Variants in SLAIN2 observed in about 807,000 individuals in gnomAD.
SLAIN2 encodes SLAIN family member 2.
SLAIN2 carries 31 observed loss-of-function variants against 56.6 expected under a neutral mutation model. That is an observed-to-expected ratio of 0.55 (90% CI 0.41 to 0.74). SLAIN2 has a LOEUF of 0.74. Among genes scored for constraint, SLAIN2 ranks in the 30% least tolerant of loss-of-function variants. The probability of loss-of-function intolerance (pLI) is 0.00; values close to 1 mark genes in which losing one functional copy is unlikely to be tolerated. For missense variants in SLAIN2, 777 were observed against 754.2 expected (o/e 1.03, Z -0.35); for synonymous variants, 317 against 284.9 (o/e 1.11, Z -1.13).
Position 48,413,281 on chromosome 4 carries a change from C to T in SLAIN2, c.1361-6844C>T, listed in dbSNP as rs111411362. On this transcript the variant is annotated intron_variant, in intron 6 of 7. Coordinates refer to ENST00000264313, the MANE Select transcript of SLAIN2 (RefSeq NM_020846.2). ...AGTAGAGATGTTTCTCTTTTGGTTCCTGGTAAAGAATACTGATCTGGGAAT... is the reference window on the plus strand; with the variant it reads ...AGTAGAGATGTTTCTCTTTTGGTTCTTGGTAAAGAATACTGATCTGGGAAT... Among the ~76,000 whole-genome samples the T allele has an allele frequency of 3.1e-3, 476 of 151,928 alleles. 4 individuals are homozygous for T. Among genetic ancestry groups the T allele is most frequent in the African/African-American group, 0.011 (455 of 41,430 alleles).
At chr4:48,392,403 T>A (rs56350397) in intron 6 of SLAIN2, among the ~76,000 whole-genome samples, 22 of 152,288 alleles carry the variant, frequency 1.4e-4, no homozygotes, top group Non-Finnish European at 2.5e-4. Context: ...TCAAATAGGA[T>A]CCTTCCAGAC....
intron 1 of SLAIN2, among the ~76,000 whole-genome samples, chr4:48,350,009 G>A (rs1030761435): frequency 9.9e-5 from 15 of 152,196 alleles, no homozygotes; most frequent in African/African-American, 3.6e-4. Context: ...GACCGAAAGT[G>A]ATTTAGAATG....
chr4:48,421,457 G>A (rs1345203060), intron 7 of SLAIN2, among the ~76,000 whole-genome samples: 1 of 152,148 alleles, frequency 6.6e-6, no homozygotes, highest in Admixed American at 6.6e-5. Flanking sequence ...TGCTAAATAA[G>A]TAAATGCTTG....
At chr4:48,377,446 T>G (rs1260460329) in intron 2 of SLAIN2, among the ~76,000 whole-genome samples, 1 of 151,620 alleles carries the variant, frequency 6.6e-6, no homozygotes, top group Non-Finnish European at 1.5e-5. Context: ...CCCAAAGTGC[T>G]GGGATTACAG....
At chr4:48,421,169 CCAT>C (rs765263644) in intron 7 of SLAIN2, among the ~76,000 whole-genome samples, 39 of 152,072 alleles carry the variant, frequency 2.6e-4, no homozygotes, top group Non-Finnish European at 4.0e-4. Flanking sequence ...GCGCACACCA[CCAT>C]GCCTGGCTAA....
intron 6 of SLAIN2, among the ~76,000 whole-genome samples, chr4:48,404,115 G>A (rs1028045439): frequency 6.6e-6 from 1 of 152,030 alleles, no homozygotes; most frequent in Non-Finnish European, 1.5e-5. Flanking sequence ...GTCCCAGTGC[G>A]AGAACCTGGA....
intron 7 of SLAIN2, 93 bp downstream of exon 7, chr4:48,420,536 C>A (rs1301175678): frequency 1.7e-5 from 24 of 1,405,302 alleles, no homozygotes. Context: ...TGATAGTAAA[C>A]AGAAAGTCAT....
chr4:48,394,375 C>G (rs897472618), intron 6 of SLAIN2, among the ~76,000 whole-genome samples: 6 of 152,138 alleles, frequency 3.9e-5, no homozygotes, highest in African/African-American at 1.2e-4. Flanking sequence ...AGTTTATGTT[C>G]TATCCCCTTT....
Position 48,379,706 on chromosome 4 carries a change from A to G in SLAIN2, c.720A>G (p.Ser240=). ...LPGNSGNLKS[S]DRNPPLSPQS... ...TTTTTTAAGGTAACTTGAAAAGCTC[A>G]GACAGAAATCCTCCACTCAGTCCTC... Residue 240 remains serine (S), a synonymous_variant, in exon 4 of 8, where the codon TCA becomes TCG. Coordinates refer to ENST00000264313, the MANE Select transcript of SLAIN2 (RefSeq NM_020846.2). The G allele has an allele frequency of 6.9e-7, 1 of 1,445,106 alleles. No homozygotes were observed. Among genetic ancestry groups the G allele is most frequent in the Non-Finnish European group, 9.1e-7 (1 of 1,096,596 alleles). The allele number at this position is 1,445,106 out of a possible 1,614,324, so 89.5% of individuals were successfully genotyped here.
chr4:48,425,441 A>T lies in SLAIN2; in HGVS notation c.*3364A>T, dbSNP rs1717275959. 6.6e-6 allele frequency: 1 copy of T among 152,148 alleles called. No homozygotes were observed. Among genetic ancestry groups the T allele is most frequent in the Admixed American group, 6.6e-5 (1 of 15,266 alleles). 9.4% of individuals were successfully genotyped at this position (152,148 alleles called of 1,614,324 possible). On this transcript the variant is annotated 3_prime_UTR_variant, in exon 8 of 8. Transcript: ENST00000264313. ...ACCAAATGCGAATATTTAGGTGATCACGTGCATCTTTTCTTGTATGGATGG... is the reference window on the plus strand; with the variant it reads ...ACCAAATGCGAATATTTAGGTGATCTCGTGCATCTTTTCTTGTATGGATGG...
chr4:48,351,541 T>G (rs1715009304), intron 1 of SLAIN2, among the ~76,000 whole-genome samples: 1 of 152,154 alleles, frequency 6.6e-6, no homozygotes, highest in Non-Finnish European at 1.5e-5. Context: ...CCCAAAAAAC[T>G]GATGAATCCT....
chr4:48,421,886 A>T, intron 7 of SLAIN2, 125 bp from the exon 8 acceptor site: 1 of 731,324 alleles, frequency 1.4e-6, no homozygotes, highest in Admixed American at 2.3e-5. Context: ...AGAGCTTAGG[A>T]CTTGGTACGG....
rs554916311 is a variant in SLAIN2 at position 48,363,901 on chromosome 4, G to C, written c.390-5948G>C. On this transcript the variant is annotated intron_variant, in intron 1 of 7. Coordinates refer to ENST00000264313, the MANE Select transcript of SLAIN2 (RefSeq NM_020846.2). Reference sequence around the variant, plus strand: ...CAGAGGCGCCCCTCACCTCCCGGACGGCACGGCTGGCCAGGCGGGGGGCTG... The same window carrying C: ...CAGAGGCGCCCCTCACCTCCCGGACCGCACGGCTGGCCAGGCGGGGGGCTG... Among the ~76,000 whole-genome samples, 148 of 137,912 alleles carry C rather than the reference G, an allele frequency of 1.1e-3. 1 individual carries two copies. The highest frequency in any genetic ancestry group is 3.6e-3 in the African/African-American group (133 of 37,350). 90.5% of individuals were successfully genotyped at this position (137,912 alleles called of 152,430 possible).
Position 48,400,444 on chromosome 4 carries a change from T to C in SLAIN2, c.1360+16660T>C, listed in dbSNP as rs901318436. Reference sequence around the variant, plus strand: ...CAGAGTCTTGCTCTGTCGCCCAGGCTGTAGTGCAGTGGCATAATCTTGGCT... The same window carrying C: ...CAGAGTCTTGCTCTGTCGCCCAGGCCGTAGTGCAGTGGCATAATCTTGGCT... On this transcript the variant is annotated intron_variant, in intron 6 of 7. Transcript: ENST00000264313. Among the ~76,000 whole-genome samples the C allele has an allele frequency of 2.8e-5, 4 of 141,806 alleles. No homozygotes were observed. The Admixed American group carries it at 3.0e-4, about 11-fold the overall frequency. The allele number at this position is 141,806 out of a possible 152,430, so 93.0% of individuals were successfully genotyped here. A position where few individuals can be genotyped will look rare whatever the true frequency, so the allele number is the denominator to read the frequency against.
chr4:48,361,428 T>A (rs1302859267), intron 1 of SLAIN2, among the ~76,000 whole-genome samples: 1 of 152,142 alleles, frequency 6.6e-6, no homozygotes, highest in Non-Finnish European at 1.5e-5. Context: ...AACAGTTAAA[T>A]CATTGGTTAG....
chr4:48,412,212 A>G (rs542542820), intron 6 of SLAIN2, among the ~76,000 whole-genome samples: 2 of 152,280 alleles, frequency 1.3e-5, no homozygotes, highest in East Asian at 3.9e-4. Flanking sequence ...GTGTACTAAA[A>G]CTAACGTGTC....
At chr4:48,419,752 A>G (rs1717098097) in intron 6 of SLAIN2, among the ~76,000 whole-genome samples, 1 of 152,230 alleles carries the variant, frequency 6.6e-6, no homozygotes, top group Non-Finnish European at 1.5e-5. Context: ...TACATTTCAA[A>G]TTCTAGACAA....
At chr4:48,392,533 T>C (rs546836406) in intron 6 of SLAIN2, among the ~76,000 whole-genome samples, 1 of 152,322 alleles carries the variant, frequency 6.6e-6, no homozygotes, top group South Asian at 2.1e-4. Context: ...TACCCTCATT[T>C]ATTCCACCCA....
chr4:48,419,672 T>TTA (rs1399076547), intron 6 of SLAIN2, among the ~76,000 whole-genome samples: 1 of 152,216 alleles, frequency 6.6e-6, no homozygotes, highest in African/African-American at 2.4e-5. Flanking sequence ...GTGTCAGTAA[T>TTA]ATGGGATTTG....
Sources: allele counts gnomAD v4.1 joint callset (sites outside exome capture counted in the v4.1 genomes callset), GRCh38; gene constraint gnomAD v4.1.1; transcripts MANE v1.5; gene names NCBI Gene and HGNC (gene_info 2026-07-23, HGNC 2026-07-21).